Variants in CTNNA3 observed in about 807,000 individuals in gnomAD.
CTNNA3 encodes catenin alpha 3, also known as catenin alpha-3.
A neutral mutation model predicts 95.7 loss-of-function variants in CTNNA3; 76 were observed. The observed-to-expected ratio is 0.79, with a 90% CI of 0.66 to 0.96. The LOEUF is 0.96. Among genes scored for constraint, CTNNA3 ranks in the 40% least tolerant of loss-of-function variants. The pLI, the probability that CTNNA3 is intolerant of heterozygous loss-of-function variation, is 0.00. For synonymous variants in CTNNA3, 431 were observed against 374.4 expected (o/e 1.15, Z -1.74); for missense variants, 1,191 against 1,089.8 (o/e 1.09, Z -1.31).
chr10:65,957,403 T>G (rs1319523061), intron 17 of CTNNA3, among the ~76,000 whole-genome samples: 1 of 152,200 alleles, frequency 6.6e-6, no homozygotes, highest in Non-Finnish European at 1.5e-5. Flanking sequence ...AAGGTTAATA[T>G]TGTTATGTGT....
chr10:66,003,227 A>T (rs2078804683), intron 15 of CTNNA3, among the ~76,000 whole-genome samples: 1 of 152,176 alleles, frequency 6.6e-6, no homozygotes, highest in Non-Finnish European at 1.5e-5. Context: ...TGCTTATGAA[A>T]CAAGGATAGA....
intron 5 of CTNNA3, among the ~76,000 whole-genome samples, chr10:67,382,721 C>T (rs966661152): frequency 1.3e-5 from 2 of 152,138 alleles, no homozygotes; most frequent in Non-Finnish European, 2.9e-5. Context: ...TTATTTGACT[C>T]ATGGTTTATT....
chr10:67,690,228 A>C (rs185749607), intron 1 of CTNNA3, among the ~76,000 whole-genome samples: 24 of 151,966 alleles, frequency 1.6e-4, no homozygotes, highest in Non-Finnish European at 3.2e-4. Context: ...TGTTCCTCCC[A>C]GTGGGTTCAT....
At chr10:66,463,266 C>T (rs1160646209) in intron 11 of CTNNA3, among the ~76,000 whole-genome samples, 1 of 152,100 alleles carries the variant, frequency 6.6e-6, no homozygotes, top group Non-Finnish European at 1.5e-5. Context: ...TGAGCTCTTG[C>T]TCTATTAGTT....
At chr10:67,224,496 C>A (rs1025486752) in intron 5 of CTNNA3, among the ~76,000 whole-genome samples, 20 of 152,260 alleles carry the variant, frequency 1.3e-4, no homozygotes, top group African/African-American at 4.3e-4. Context: ...TTGAAGGAAG[C>A]GGACTGCTCC....
At chr10:67,517,028 T>C (rs902369792) in intron 5 of CTNNA3, among the ~76,000 whole-genome samples, 1 of 152,200 alleles carries the variant, frequency 6.6e-6, no homozygotes, top group Non-Finnish European at 1.5e-5. Flanking sequence ...TGTTTCAATA[T>C]CTTGGCTGTT....
chr10:67,180,525 G>A lies in CTNNA3; in HGVS notation c.844-5C>T. On this transcript the variant is annotated splice_polypyrimidine_tract_variant and splice_region_variant and intron_variant, in intron 6 of 17. Coordinates refer to ENST00000433211, the MANE Select transcript of CTNNA3 (RefSeq NM_013266.4). ...TGGATTCAGGACAATTAAATTCTAA[G>A]AGAAGAACACATTTGTATGGTTAGA... is the stretch of plus-strand genomic sequence containing the variant. 1.9e-6 allele frequency: 3 copies of A among 1,607,226 alleles called. No homozygotes were observed. The highest frequency in any genetic ancestry group is 2.6e-6 in the Non-Finnish European group (3 of 1,173,896).
At chr10:66,313,395 T>A (rs950412781) in intron 12 of CTNNA3, among the ~76,000 whole-genome samples, 1 of 152,190 alleles carries the variant, frequency 6.6e-6, no homozygotes, top group African/African-American at 2.4e-5. Context: ...TTTGCCAATA[T>A]CATCTTCCTT....
intron 13 of CTNNA3, among the ~76,000 whole-genome samples, chr10:66,251,311 TA>T (rs11364669): frequency 0.77 from 117,138 of 151,366 alleles, 46,328 homozygotes; most frequent in South Asian, 0.93. Context: ...CCTTTGAAAT[TA>T]AAAAAAAAAA....
intron 13 of CTNNA3, among the ~76,000 whole-genome samples, chr10:66,254,536 C>A (rs535907569): frequency 4.6e-5 from 7 of 152,274 alleles, no homozygotes; most frequent in African/African-American, 1.4e-4. Context: ...AGGTGCCTCG[C>A]TGTACTCTTC....
In CTNNA3 at chr10:67,180,394, G is replaced by GT. The variant is rs1212779512; in HGVS notation, c.969dup (p.His324ThrfsTer34). 5 of 1,613,828 alleles carry GT rather than the reference G, an allele frequency of 3.1e-6. No individual in the cohort carries two copies. The highest frequency in any genetic ancestry group is 4.2e-6 in the Non-Finnish European group (5 of 1,179,892). On this transcript the variant is annotated frameshift_variant, in exon 7 of 18. Coordinates refer to ENST00000433211, the MANE Select transcript of CTNNA3 (RefSeq NM_013266.4). LOFTEE classifies it high-confidence loss of function. ...CATTCTGCGATAATCCGCTCTCGGT[G>GT]TAAGTCCCTCGTACATGAAGAATCC... is the stretch of plus-strand genomic sequence containing the variant.
At chr10:66,508,123 T>TA (rs1326818717) in intron 11 of CTNNA3, among the ~76,000 whole-genome samples, 1 of 151,798 alleles carries the variant, frequency 6.6e-6, no homozygotes, top group Admixed American at 6.6e-5. Flanking sequence ...AATAAATTCT[T>TA]ACAATCTGAT....
intron 13 of CTNNA3, among the ~76,000 whole-genome samples, chr10:66,208,432 A>C (rs2087908404): frequency 6.6e-6 from 1 of 152,176 alleles, no homozygotes; most frequent in African/African-American, 2.4e-5. Flanking sequence ...TAACTAAACC[A>C]TAATACAATT....
chr10:67,130,527 A>C (rs1180939688), intron 7 of CTNNA3, among the ~76,000 whole-genome samples: 1 of 152,154 alleles, frequency 6.6e-6, no homozygotes, highest in African/African-American at 2.4e-5. Context: ...CAAAATTTAA[A>C]ATTAGATAAA....
intron 3 of CTNNA3, among the ~76,000 whole-genome samples, chr10:67,566,886 T>A (rs139665778): frequency 6.6e-6 from 1 of 150,422 alleles, no homozygotes. Context: ...ATGGATGAAA[T>A]TGGAAATCGT....
At chr10:67,168,870 A>T (rs925894732) in intron 7 of CTNNA3, among the ~76,000 whole-genome samples, 1 of 152,226 alleles carries the variant, frequency 6.6e-6, no homozygotes, top group African/African-American at 2.4e-5. Context: ...ATGATTCTAT[A>T]TGTAGAAAAC....
intron 14 of CTNNA3, among the ~76,000 whole-genome samples, chr10:66,093,161 A>G (rs1184645870): frequency 1.3e-5 from 2 of 151,964 alleles, no homozygotes; most frequent in South Asian, 4.1e-4. Flanking sequence ...ATACTATAAT[A>G]TACAGTGTTT....
At chr10:65,984,273 T>C (rs1376032509) in intron 16 of CTNNA3, among the ~76,000 whole-genome samples, 1 of 151,310 alleles carries the variant, frequency 6.6e-6, no homozygotes, top group Non-Finnish European at 1.5e-5. Context: ...CATAATCAAT[T>C]TCAGATATTA....
rs559400716 is a variant in CTNNA3 at position 67,059,669 on chromosome 10, A to G, written c.1047+120648T>C. Among the ~76,000 whole-genome samples the G allele has an allele frequency of 1.3e-4, 20 of 152,222 alleles. No individual in the cohort carries two copies. In the East Asian group the frequency reaches 3.7e-3, roughly 28 times the overall value. The stretch of plus-strand genomic sequence containing the variant: ...AAGTAAATCTGTCTTCTGATGGTCA[A>G]GTGATGGTTTCCCTGAACATCCAAA... On this transcript the variant is annotated intron_variant, in intron 7 of 17. Coordinates refer to ENST00000433211, the MANE Select transcript of CTNNA3 (RefSeq NM_013266.4).
Sources: allele counts gnomAD v4.1 joint callset (sites outside exome capture counted in the v4.1 genomes callset), GRCh38; gene constraint gnomAD v4.1.1; transcripts MANE v1.5; gene names NCBI Gene and HGNC (gene_info 2026-07-23, HGNC 2026-07-21).